The following ASAP1 variants were observed in gnomAD, a reference collection of about 807,000 sequenced individuals.
ASAP1 encodes ArfGAP with SH3 domain, ankyrin repeat and PH domain 1.
A neutral mutation model predicts 145.2 loss-of-function variants in ASAP1; 43 were observed. The observed-to-expected ratio is 0.30, with a 90% CI of 0.23 to 0.38. The LOEUF is 0.38. Ranked by LOEUF, ASAP1 falls within the 10% of genes least tolerant of loss-of-function variation. The pLI, the probability that ASAP1 is intolerant of heterozygous loss-of-function variation, is 1.00. For synonymous variants in ASAP1, 546 were observed against 515.5 expected, an observed-to-expected ratio of 1.06 and a Z score of -0.80; for missense variants, 1,018 against 1,355.3, an observed-to-expected ratio of 0.75 and a Z score of 3.91.
intron 4 of ASAP1, among the ~76,000 whole-genome samples, chr8:130,216,975 G>C (rs1408573263): frequency 1.3e-5 from 2 of 152,200 alleles, no homozygotes; most frequent in South Asian, 2.1e-4. Flanking sequence ...CTGTGCATCA[G>C]ATCTTGTGAC....
At chr8:130,253,702 C>T (rs780780876) in intron 3 of ASAP1, among the ~76,000 whole-genome samples, 5 of 152,024 alleles carry the variant, frequency 3.3e-5, no homozygotes, top group Admixed American at 6.6e-5. Context: ...TAGATGAAGA[C>T]GAAATGCACG....
At chr8:130,124,585 T>C (rs1418100611) in intron 17 of ASAP1, among the ~76,000 whole-genome samples, 4 of 152,220 alleles carry the variant, frequency 2.6e-5, no homozygotes, top group Non-Finnish European at 5.9e-5. Flanking sequence ...ACTTTATATC[T>C]GGATACAGAT....
chr8:130,388,310 C>T (rs1828118757), intron 2 of ASAP1, among the ~76,000 whole-genome samples: 1 of 152,186 alleles, frequency 6.6e-6, no homozygotes, highest in Admixed American at 6.5e-5. Context: ...GGTAAGAAAT[C>T]TGAATTTCAT....
chr8:130,311,724 G>A (rs1586808201), intron 3 of ASAP1, among the ~76,000 whole-genome samples: 1 of 136,520 alleles, frequency 7.3e-6, no homozygotes, highest in African/African-American at 2.8e-5. Context: ...TCGCGCCACT[G>A]CACTCCAGCC....
At chr8:130,235,008 T>C (rs185140371) in intron 4 of ASAP1, among the ~76,000 whole-genome samples, 19 of 152,304 alleles carry the variant, frequency 1.2e-4, no homozygotes, top group African/African-American at 4.3e-4. Flanking sequence ...GGGCCTTAGA[T>C]GGTCTCTCCT....
Position 130,312,502 on chromosome 8 carries a change from G to A in ASAP1, c.186+45515C>T, listed in dbSNP as rs1177140380. On this transcript the variant is annotated intron_variant, in intron 3 of 29. Transcript: ENST00000518721. ...GGTTTTAAAAAAAATACTGCAACCC[G>A]TAGCAACTCCAGGGGGCCTTCTCTC... Among the ~76,000 whole-genome samples the A allele has an allele frequency of 3.9e-5, 6 of 152,022 alleles. No individual in the cohort carries two copies. The East Asian group carries it at 5.8e-4, about 15-fold the overall frequency.
chr8:130,156,952 T>C (rs2097659286), intron 12 of ASAP1, among the ~76,000 whole-genome samples: 1 of 152,220 alleles, frequency 6.6e-6, no homozygotes, highest in African/African-American at 2.4e-5. Context: ...AGAAGATCAT[T>C]GTGATTTCGG....
chr8:130,262,424 G>A (rs200757073), intron 3 of ASAP1, among the ~76,000 whole-genome samples: 3,593 of 54,868 alleles, frequency 0.065, 273 homozygotes, highest in East Asian at 0.13. Context: ...AAAAGAGAGA[G>A]AGAGAGAGAG....
intron 3 of ASAP1, among the ~76,000 whole-genome samples, chr8:130,322,794 A>AGAATGTGGT (rs1191182475): frequency 6.6e-6 from 1 of 152,218 alleles, no homozygotes; most frequent in Non-Finnish European, 1.5e-5. Context: ...TATAACTAAC[A>AGAATGTGGT]AAGGGCAGAA....
intron 3 of ASAP1, among the ~76,000 whole-genome samples, chr8:130,286,450 C>T (rs1001787092): frequency 1.3e-5 from 2 of 152,206 alleles, no homozygotes; most frequent in East Asian, 1.9e-4. Context: ...TCGGGAGTCA[C>T]AGCAGCTAGA....
At chr8:130,407,826 C>T (rs1391215301) in intron 1 of ASAP1, among the ~76,000 whole-genome samples, 2 of 152,158 alleles carry the variant, frequency 1.3e-5, no homozygotes, top group Non-Finnish European at 2.9e-5. Context: ...AGTGACTCCA[C>T]GAATGTTGGG....
At position 130,144,211 on chromosome 8, in the gene ASAP1, C is replaced by A. The variant is rs144240976; in HGVS notation, c.1081-7173G>T. ...AATTAAGGTACATGCTGAACACTTACCACTGCAGAGAGATCTTATCGCCAG... is the reference window on the plus strand; with the variant it reads ...AATTAAGGTACATGCTGAACACTTAACACTGCAGAGAGATCTTATCGCCAG... On this transcript the variant is annotated intron_variant, in intron 13 of 29. Coordinates refer to ENST00000518721, the MANE Select transcript of ASAP1 (RefSeq NM_018482.4). Among the ~76,000 whole-genome samples, 437 of 152,302 alleles carry A rather than the reference C, an allele frequency of 2.9e-3. 1 individual carries two copies. Among genetic ancestry groups the A allele is most frequent in the African/African-American group, 0.01 (423 of 41,562 alleles).
chr8:130,345,002 G>A (rs1825620699), intron 3 of ASAP1, among the ~76,000 whole-genome samples: 3 of 152,150 alleles, frequency 2.0e-5, no homozygotes, highest in Non-Finnish European at 4.4e-5. Flanking sequence ...CAAAGTGAAG[G>A]GGGAGACTGG....
intron 3 of ASAP1, among the ~76,000 whole-genome samples, chr8:130,314,035 T>C (rs186512055): frequency 4.4e-4 from 67 of 152,318 alleles, no homozygotes; most frequent in African/African-American, 1.4e-3. Flanking sequence ...AATCTGAATA[T>C]AGAAGTACTG....
intron 3 of ASAP1, among the ~76,000 whole-genome samples, chr8:130,263,116 G>A (rs1820039622): frequency 2.0e-5 from 3 of 152,198 alleles, no homozygotes; most frequent in African/African-American, 7.2e-5. Context: ...GGCATATAGT[G>A]TCTGATTACG....
intron 2 of ASAP1, among the ~76,000 whole-genome samples, chr8:130,384,630 G>A (rs1292745270): frequency 1.3e-5 from 2 of 152,134 alleles, no homozygotes; most frequent in Admixed American, 1.3e-4. Context: ...ACAGGCGCCC[G>A]CCACCATGCC....
chr8:130,137,520 A>G (rs1417420353), intron 13 of ASAP1, among the ~76,000 whole-genome samples: 1 of 152,226 alleles, frequency 6.6e-6, no homozygotes, highest in Non-Finnish European at 1.5e-5. Flanking sequence ...TAGCTGAGCT[A>G]TATTTCATTT....
At chr8:130,218,848 C>CATATATAT (rs58256601) in intron 4 of ASAP1, among the ~76,000 whole-genome samples, 13 of 149,152 alleles carry the variant, frequency 8.7e-5, no homozygotes, top group Non-Finnish European at 1.8e-4. Context: ...AGTCTCTTTC[C>CATATATAT]ATATATATAT....
intron 13 of ASAP1, among the ~76,000 whole-genome samples, chr8:130,149,652 C>A (rs1190052354): frequency 2.0e-5 from 3 of 152,194 alleles, no homozygotes; most frequent in Non-Finnish European, 4.4e-5. Context: ...GTCCCAAACA[C>A]CTCAAGTTTT....
Sources: allele counts gnomAD v4.1 joint callset (sites outside exome capture counted in the v4.1 genomes callset), GRCh38; gene constraint gnomAD v4.1.1; transcripts MANE v1.5; gene names NCBI Gene and HGNC (gene_info 2026-07-23, HGNC 2026-07-21).